Variants in RPS6KC1 observed in about 807,000 individuals in gnomAD.
RPS6KC1 encodes ribosomal protein S6 kinase C1, also known as inactive ribosomal protein S6 kinase delta-1.
A neutral mutation model predicts 103.8 loss-of-function variants in RPS6KC1; 54 were observed. That is an observed-to-expected ratio of 0.52 (90% CI 0.42 to 0.65). The LOEUF (loss-of-function observed/expected upper bound fraction) is 0.65. Ranked by LOEUF, RPS6KC1 falls within the 30% of genes least tolerant of loss-of-function variation. The probability of loss-of-function intolerance (pLI) is 0.00; values close to 1 mark genes in which losing one functional copy is unlikely to be tolerated. For synonymous variants in RPS6KC1, 439 were observed against 438.7 expected (o/e 1.00, Z -0.01); for missense variants, 1,151 against 1,253.8 (o/e 0.92, Z 1.24).
the RPS6KC1 span, among the ~76,000 whole-genome samples, chr1:213,313,974 CAG>C: frequency 6.6e-6 from 1 of 152,026 alleles, no homozygotes; most frequent in Non-Finnish European, 1.5e-5. Flanking sequence ...AAAAGAATAA[CAG>C]AAACTTATTC....
chr1:213,602,123 T>TTTCTTTCTTTG, the RPS6KC1 span, among the ~76,000 whole-genome samples: 2 of 39,532 alleles, frequency 5.1e-5, no homozygotes, highest in Non-Finnish European at 9.6e-5. Context: ...TTTCTTTCTC[T>TTTCTTTCTTTG]TTCTTTCTTT....
the RPS6KC1 span, among the ~76,000 whole-genome samples, chr1:213,745,455 G>A: frequency 6.6e-6 from 1 of 152,086 alleles, no homozygotes; most frequent in African/African-American, 2.4e-5. Context: ...AATTTAGAGG[G>A]GGAAAAGGCT....
At chr1:213,061,233 C>T (rs367564283) in intron 1 of RPS6KC1, among the ~76,000 whole-genome samples, 1 of 152,184 alleles carries the variant, frequency 6.6e-6, no homozygotes, top group Non-Finnish European at 1.5e-5. Flanking sequence ...AACATTCAGT[C>T]TGTAGTACTT....
the RPS6KC1 span, among the ~76,000 whole-genome samples, chr1:213,565,465 G>A: frequency 6.6e-6 from 1 of 152,196 alleles, no homozygotes; most frequent in African/African-American, 2.4e-5. Flanking sequence ...GTAACACCAT[G>A]GATGAATCTC....
chr1:213,083,879 G>A (rs1476909436), intron 3 of RPS6KC1, among the ~76,000 whole-genome samples: 1 of 152,134 alleles, frequency 6.6e-6, no homozygotes, highest in African/African-American at 2.4e-5. Flanking sequence ...AAAAAAGACT[G>A]TAGCTTCCAT....
At chr1:213,191,683 A>C (rs2092750572) in intron 8 of RPS6KC1, among the ~76,000 whole-genome samples, 1 of 152,144 alleles carries the variant, frequency 6.6e-6, no homozygotes, top group South Asian at 2.1e-4. Context: ...GTATTGAATA[A>C]CAGTGGTGAA....
intron 8 of RPS6KC1, among the ~76,000 whole-genome samples, chr1:213,220,900 A>T (rs1293037511): frequency 6.6e-6 from 1 of 152,172 alleles, no homozygotes; most frequent in African/African-American, 2.4e-5. Context: ...ATTATGGTAA[A>T]TGTGATCATT....
At chr1:213,496,220 C>T in the RPS6KC1 span, among the ~76,000 whole-genome samples, 2 of 152,086 alleles carry the variant, frequency 1.3e-5, no homozygotes, top group Non-Finnish European at 2.9e-5. Context: ...CAAAAAATGT[C>T]AGACCAAATA....
chr1:213,712,600 A>G, the RPS6KC1 span, among the ~76,000 whole-genome samples: 2 of 152,132 alleles, frequency 1.3e-5, no homozygotes, highest in Non-Finnish European at 2.9e-5. Flanking sequence ...GTCTGCCCAA[A>G]TGGCAGCCCA....
At chr1:213,229,501 A>G (rs1297528032) in intron 8 of RPS6KC1, among the ~76,000 whole-genome samples, 1 of 152,162 alleles carries the variant, frequency 6.6e-6, no homozygotes, top group Non-Finnish European at 1.5e-5. Flanking sequence ...TTTGTTCTAT[A>G]ATGACAAAGT....
At chr1:213,141,464 G>A (rs1218698328) in intron 6 of RPS6KC1, among the ~76,000 whole-genome samples, 1 of 151,762 alleles carries the variant, frequency 6.6e-6, no homozygotes, top group Admixed American at 6.6e-5. Context: ...GAATTTTTGT[G>A]GGGTCAGTAG....
the RPS6KC1 span, among the ~76,000 whole-genome samples, chr1:213,772,073 A>G: frequency 6.6e-6 from 1 of 152,186 alleles, no homozygotes; most frequent in Admixed American, 6.5e-5. Flanking sequence ...TGACACTTCT[A>G]TTGAATTATA....
chr1:213,782,806 G>A, the RPS6KC1 span, among the ~76,000 whole-genome samples: 1 of 152,174 alleles, frequency 6.6e-6, no homozygotes, highest in Non-Finnish European at 1.5e-5. Flanking sequence ...GCTGCTCACA[G>A]GAAATGGGAA....
chr1:213,440,593 T>TAAAAAAAAAAAAAAAAAAAAAA, the RPS6KC1 span, among the ~76,000 whole-genome samples: 1 of 100,382 alleles, frequency 1.0e-5, no homozygotes, highest in Non-Finnish European at 1.9e-5. Flanking sequence ...TTAATGGAAC[T>TAAAAAAAAAAAAAAAAAAAAAA]AAAAAAAAAA....
chr1:213,073,832 C>T (rs1456751614), intron 2 of RPS6KC1, among the ~76,000 whole-genome samples: 1 of 152,164 alleles, frequency 6.6e-6, no homozygotes. Flanking sequence ...CCCACCACCA[C>T]ACCTGGCTGA....
At chr1:213,056,722 A>G (rs931296703) in intron 1 of RPS6KC1, among the ~76,000 whole-genome samples, 17 of 152,156 alleles carry the variant, frequency 1.1e-4, no homozygotes, top group African/African-American at 3.9e-4. Flanking sequence ...GTAGTTTCCA[A>G]ATTAGGTTAG....
the RPS6KC1 span, among the ~76,000 whole-genome samples, chr1:213,859,832 C>T: frequency 2.0e-3 from 306 of 152,192 alleles, 1 homozygote; most frequent in African/African-American, 7.0e-3. Context: ...TGCCATAGGA[C>T]GGAAAACTCC....
At chr1:213,279,536 A>G (rs1360924987), downstream of RPS6KC1, among the ~76,000 whole-genome samples, 3 of 152,124 alleles carry the variant, frequency 2.0e-5, no homozygotes, top group African/African-American at 7.2e-5. Context: ...CTCTTTGATC[A>G]TTTTGTGGCA....
the RPS6KC1 span, among the ~76,000 whole-genome samples, chr1:213,636,096 C>CCA: frequency 6.6e-6 from 1 of 152,094 alleles, no homozygotes; most frequent in Non-Finnish European, 1.5e-5. Flanking sequence ...GAACTACAAA[C>CCA]CACTGCTCAA....
Sources: gnomAD v4.1 joint callset for allele counts (sites outside exome capture counted in the v4.1 genomes callset) on GRCh38, gnomAD v4.1.1 for gene constraint, MANE v1.5 for transcripts, NCBI Gene and HGNC (gene_info 2026-07-23, HGNC 2026-07-21) for gene names.